EEFSEC: variants seen among roughly 807,000 people sequenced by gnomAD.
EEFSEC encodes eukaryotic elongation factor, selenocysteine-tRNA specific.
In EEFSEC, 43 loss-of-function variants were observed where a neutral mutation model predicts 42.1. That is an observed-to-expected ratio of 1.02 (90% CI 0.80 to 1.32). EEFSEC has a LOEUF of 1.32. Among genes scored for constraint, EEFSEC ranks in the 40% most tolerant of loss-of-function variants. The probability of loss-of-function intolerance (pLI) is 0.00; values close to 1 mark genes in which losing one functional copy is unlikely to be tolerated. For missense variants in EEFSEC, 745 were observed against 803.6 expected (o/e 0.93, Z 0.88); for synonymous variants, 354 against 339.1 (o/e 1.04, Z -0.48).
At chr3:128,176,343 T>C (rs1424198244) in intron 1 of EEFSEC, among the ~76,000 whole-genome samples, 2 of 152,082 alleles carry the variant, frequency 1.3e-5, no homozygotes, top group Non-Finnish European at 2.9e-5. Context: ...TTAACTGCGT[T>C]GATCGGCTGT....
intron 1 of EEFSEC, among the ~76,000 whole-genome samples, chr3:128,191,608 A>G (rs2065525336): frequency 6.6e-6 from 1 of 152,166 alleles, no homozygotes; most frequent in Non-Finnish European, 1.5e-5. Context: ...TACCCATTAA[A>G]CACTACCTCC....
At chr3:128,338,430 G>T (rs2067214609) in intron 4 of EEFSEC, among the ~76,000 whole-genome samples, 1 of 152,128 alleles carries the variant, frequency 6.6e-6, no homozygotes, top group Non-Finnish European at 1.5e-5. Context: ...GCACACAGAG[G>T]CTGGGGCTGA....
chr3:128,191,323 C>T (rs1355637839), intron 1 of EEFSEC, among the ~76,000 whole-genome samples: 1 of 152,006 alleles, frequency 6.6e-6, no homozygotes, highest in Non-Finnish European at 1.5e-5. Context: ...AGATGGGTCA[C>T]ATTCTCTTGC....
intron 6 of EEFSEC, among the ~76,000 whole-genome samples, chr3:128,404,049 CAG>C (rs2068080949): frequency 6.6e-6 from 1 of 152,346 alleles, no homozygotes; most frequent in Middle Eastern, 3.4e-3. Context: ...TTGCGAGAAG[CAG>C]AGAGTGGGAC....
At chr3:128,397,014 C>T (rs888922144) in intron 6 of EEFSEC, among the ~76,000 whole-genome samples, 1 of 152,208 alleles carries the variant, frequency 6.6e-6, no homozygotes, top group African/African-American at 2.4e-5. Flanking sequence ...AATGGTCCCC[C>T]GACTGGTACC....
chr3:128,252,316 T>C (rs9289327), intron 2 of EEFSEC, among the ~76,000 whole-genome samples: 6,643 of 152,292 alleles, frequency 0.044, 486 homozygotes, highest in African/African-American at 0.15. Context: ...TGACTAACTG[T>C]GTGTGCTTGG....
At chr3:128,359,138 G>A (rs534279587) in intron 6 of EEFSEC, among the ~76,000 whole-genome samples, 2 of 152,174 alleles carry the variant, frequency 1.3e-5, no homozygotes, top group South Asian at 4.1e-4. Flanking sequence ...TTTGGATAGG[G>A]TGATCAGGGA....
intron 1 of EEFSEC, among the ~76,000 whole-genome samples, chr3:128,214,689 C>G (rs2065791603): frequency 6.6e-6 from 1 of 152,206 alleles, no homozygotes; most frequent in South Asian, 2.1e-4. Context: ...TGACCTAGTA[C>G]AGGCCCAGAG....
At chr3:128,198,312 C>T (rs771553411) in intron 1 of EEFSEC, among the ~76,000 whole-genome samples, 27 of 152,230 alleles carry the variant, frequency 1.8e-4, no homozygotes, top group Admixed American at 1.4e-3. Context: ...GTTGCTTAGG[C>T]TTAATAAGTT....
intron 5 of EEFSEC, among the ~76,000 whole-genome samples, chr3:128,351,858 T>C (rs1266014119): frequency 6.6e-6 from 1 of 152,212 alleles, no homozygotes; most frequent in East Asian, 1.9e-4. Flanking sequence ...ATGCAAACAG[T>C]GAGAATCCCC....
intron 1 of EEFSEC, among the ~76,000 whole-genome samples, chr3:128,197,493 G>A (rs747582674): frequency 3.9e-5 from 6 of 152,058 alleles, no homozygotes; most frequent in Non-Finnish European, 8.8e-5. Context: ...GGCTGATTTC[G>A]AACTCCTGAC....
At chr3:128,197,953 C>T (rs1056554925) in intron 1 of EEFSEC, among the ~76,000 whole-genome samples, 2 of 152,174 alleles carry the variant, frequency 1.3e-5, no homozygotes, top group African/African-American at 4.8e-5. Flanking sequence ...AAAACTGAGC[C>T]GTCTGTCTCT....
intron 1 of EEFSEC, among the ~76,000 whole-genome samples, chr3:128,164,031 A>C (rs2065220180): frequency 6.6e-6 from 1 of 151,858 alleles, no homozygotes; most frequent in Non-Finnish European, 1.5e-5. Flanking sequence ...TCTTAAGTGT[A>C]CAGTGTGTGG....
At position 128,294,750 on chromosome 3, in the gene EEFSEC, TC is replaced by T. The variant is rs1288297066; in HGVS notation, c.786+29972del. 7.2e-5 allele frequency among the ~76,000 whole-genome samples: 11 copies of T among 152,304 alleles called. No individual in the cohort carries two copies. In the East Asian group the frequency reaches 2.1e-3, roughly 29 times the overall value. ...AGTGGAAAAGGTAAGGGGAGGGTAT[TC>T]CCATCAGAGGAAACAGCATATGCAA... On this transcript the variant is annotated intron_variant, in intron 4 of 6. Coordinates refer to ENST00000254730, the MANE Select transcript of EEFSEC (RefSeq NM_021937.5).
At chr3:128,283,085 A>G (rs547044648) in intron 4 of EEFSEC, among the ~76,000 whole-genome samples, 3 of 152,358 alleles carry the variant, frequency 2.0e-5, no homozygotes, top group Admixed American at 1.3e-4. Context: ...CCTGCTGTGT[A>G]TAAGCAGGCT....
intron 4 of EEFSEC, among the ~76,000 whole-genome samples, chr3:128,297,975 A>T (rs1041969284): frequency 2.0e-5 from 3 of 152,174 alleles, no homozygotes; most frequent in African/African-American, 7.2e-5. Context: ...AGGCCCTGGG[A>T]CAGCCAAGGA....
chr3:128,192,502 A>C (rs2065536445), intron 1 of EEFSEC, among the ~76,000 whole-genome samples: 1 of 152,160 alleles, frequency 6.6e-6, no homozygotes. Context: ...GCTGCCTGCT[A>C]CTGTGACACC....
chr3:128,176,286 G>A (rs1473320533), intron 1 of EEFSEC, among the ~76,000 whole-genome samples: 1 of 151,904 alleles, frequency 6.6e-6, no homozygotes, highest in African/African-American at 2.4e-5. Context: ...TAATCCGATT[G>A]GAGAGAAACT....
rs2067248559 is a variant in EEFSEC, at chr3:128,341,324, T to A, written c.878T>A (p.Phe293Tyr). Residue 293 changes from phenylalanine (F) to tyrosine (Y), a missense_variant, in exon 5 of 7, where the codon TTT becomes TAT. By Grantham distance (22) the Phe-to-Tyr change is conservative. Coordinates refer to ENST00000254730, the MANE Select transcript of EEFSEC (RefSeq NM_021937.5). ...GDRLGICVTQ[F>Y]DPKLLERGLV... ...CGGCTGGGCATCTGCGTCACCCAGT[T>A]TGACCCTAAGCTGCTGGAGCGCGGG... 7 of 1,614,176 alleles carry A rather than the reference T, an allele frequency of 4.3e-6. No individual in the cohort carries two copies. Among genetic ancestry groups the A allele is most frequent in the Non-Finnish European group, 5.9e-6 (7 of 1,180,028 alleles).
Sources: gnomAD v4.1 joint callset for allele counts (sites outside exome capture counted in the v4.1 genomes callset) on GRCh38, gnomAD v4.1.1 for gene constraint, MANE v1.5 for transcripts, NCBI Gene and HGNC (gene_info 2026-07-23, HGNC 2026-07-21) for gene names.